Variants in AP3B1 observed in about 807,000 individuals in gnomAD.
AP3B1 encodes adaptor related protein complex 3 subunit beta 1.
A neutral mutation model predicts 132.5 loss-of-function variants in AP3B1; 61 were observed. The ratio of observed to expected loss-of-function variants is 0.46; its 90% CI spans 0.37 to 0.57. The LOEUF is 0.57. AP3B1 is among the 20% of genes least tolerant of loss of function. The pLI is 0.00. For synonymous variants in AP3B1, 388 were observed against 438.3 expected (o/e 0.89, Z 1.43); for missense variants, 1,120 against 1,289.4 (o/e 0.87, Z 2.01).
At chr5:78,089,866 T>C (rs1235330107) in intron 21 of AP3B1, among the ~76,000 whole-genome samples, 2 of 152,174 alleles carry the variant, frequency 1.3e-5, no homozygotes, top group Non-Finnish European at 2.9e-5. Context: ...TCCAAGAGAA[T>C]GCTGCAGTGG....
intron 1 of AP3B1, among the ~76,000 whole-genome samples, chr5:78,274,576 G>C (rs1324544797): frequency 1.3e-5 from 2 of 151,984 alleles, no homozygotes; most frequent in Non-Finnish European, 2.9e-5. Context: ...ACTACACCAG[G>C]TACAGCATAG....
intron 7 of AP3B1, among the ~76,000 whole-genome samples, chr5:78,207,383 C>T (rs551213425): frequency 2.0e-5 from 3 of 151,814 alleles, no homozygotes; most frequent in Admixed American, 6.6e-5. Flanking sequence ...ACTGTAATCA[C>T]ACCAGTGTAC....
Position 78,252,360 on chromosome 5 carries a change from G to A in AP3B1, c.205-11424C>T, listed in dbSNP as rs1290238958. 2.0e-5 allele frequency among the ~76,000 whole-genome samples: 3 copies of A among 152,254 alleles called. No individual in the cohort carries two copies. The East Asian group carries it at 5.8e-4, about 29-fold the overall frequency. On this transcript the variant is annotated intron_variant, in intron 2 of 26. Transcript: ENST00000255194. ...CTAGGTACCAGTACAGCCACAGCAGGGTAGAGCACCAAGTGGGCTCTTAGC... is the reference window on the plus strand; with the variant it reads ...CTAGGTACCAGTACAGCCACAGCAGAGTAGAGCACCAAGTGGGCTCTTAGC...
chr5:78,216,037 A>G lies in AP3B1; in HGVS notation c.786+18T>C. On this transcript the variant is annotated intron_variant, in intron 7 of 26. Coordinates refer to ENST00000255194, the MANE Select transcript of AP3B1 (RefSeq NM_003664.5). ...TTCTCTTAGTATACTTGAAAGTGGA[A>G]GACTGTTCAACACTTACCTCTTTCC... 1 of 1,613,508 alleles carries G rather than the reference A, an allele frequency of 6.2e-7. No individual in the cohort carries two copies. Among genetic ancestry groups the G allele is most frequent in the Non-Finnish European group, 8.5e-7 (1 of 1,179,468 alleles).
chr5:78,064,167 A>G (rs1038539405), intron 22 of AP3B1, among the ~76,000 whole-genome samples: 2 of 150,742 alleles, frequency 1.3e-5, no homozygotes, highest in African/African-American at 2.4e-5. Context: ...TGGGCAACTT[A>G]CTAATAATGA....
chr5:78,033,695 G>A (rs1363531623), intron 24 of AP3B1, among the ~76,000 whole-genome samples: 2 of 151,818 alleles, frequency 1.3e-5, no homozygotes, highest in East Asian at 1.9e-4. Flanking sequence ...GCATGAATAC[G>A]GCTTTGTTCT....
chr5:78,288,030 A>G (rs1250307852), intron 1 of AP3B1, among the ~76,000 whole-genome samples: 1 of 152,208 alleles, frequency 6.6e-6, no homozygotes, highest in Non-Finnish European at 1.5e-5. Flanking sequence ...GGAATTCACA[A>G]TGAGGAAGGA....
chr5:78,022,466 A>G (rs2112069288), intron 24 of AP3B1, among the ~76,000 whole-genome samples: 1 of 152,348 alleles, frequency 6.6e-6, no homozygotes. Flanking sequence ...ATTGCAGAGT[A>G]TCATATATAG....
At chr5:78,083,970 A>G (rs1750123864) in intron 22 of AP3B1, among the ~76,000 whole-genome samples, 2 of 152,208 alleles carry the variant, frequency 1.3e-5, no homozygotes, top group Non-Finnish European at 2.9e-5. Flanking sequence ...TTATAGATGG[A>G]CTAGAAAGTC....
chr5:78,020,681 A>T lies in AP3B1; in HGVS notation c.2992+11T>A, dbSNP rs570567595. The T allele has an allele frequency of 6.3e-7, 1 of 1,591,646 alleles. No homozygotes were observed. Among genetic ancestry groups the T allele is most frequent in the African/African-American group, 1.3e-5 (1 of 74,524 alleles). On this transcript the variant is annotated intron_variant, in intron 25 of 26. Transcript: ENST00000255194. Reference sequence around the variant, plus strand: ...TATGTAAATTTCTAGTAAGTTGTAGACATCTCTCACCTTGCTCTTTCTTAA... The same window carrying T: ...TATGTAAATTTCTAGTAAGTTGTAGTCATCTCTCACCTTGCTCTTTCTTAA...
At chr5:78,000,927 A>T (rs1746188919), downstream of AP3B1, 1 of 152,218 alleles carries the variant, frequency 6.6e-6, no homozygotes, top group Admixed American at 6.5e-5. Flanking sequence ...TAATGATATT[A>T]AGCTACTAGT....
intron 22 of AP3B1, among the ~76,000 whole-genome samples, chr5:78,066,556 G>A (rs545349855): frequency 2.0e-5 from 3 of 152,160 alleles, no homozygotes; most frequent in Non-Finnish European, 2.9e-5. Context: ...CCAACCGGAG[G>A]AAAGAATTTC....
chr5:78,191,131 CAT>C (rs1398406158), intron 7 of AP3B1, among the ~76,000 whole-genome samples: 2 of 151,860 alleles, frequency 1.3e-5, no homozygotes, highest in African/African-American at 4.8e-5. Flanking sequence ...TTTAAAAACA[CAT>C]AATATAAGAT....
intron 3 of AP3B1, among the ~76,000 whole-genome samples, 190 bp downstream of exon 3, chr5:78,240,672 T>C (rs192032855): frequency 1.4e-3 from 214 of 152,334 alleles, no homozygotes; most frequent in African/African-American, 4.7e-3. Flanking sequence ...TCATATTTTC[T>C]ACCAAAAATC....
chr5:78,038,121 C>T (rs1288479616), intron 23 of AP3B1, among the ~76,000 whole-genome samples: 2 of 152,146 alleles, frequency 1.3e-5, no homozygotes, highest in Non-Finnish European at 2.9e-5. Flanking sequence ...GCTCAGCAAC[C>T]CACTCATTGG....
Position 78,081,496 on chromosome 5 carries a change from A to G in AP3B1, c.2577+7897T>C, listed in dbSNP as rs553524659. ...CTAATTTTTTTTGTATTTTTAGTAG[A>G]GACGGGGTTTCACCATGGTCTCGAT... On this transcript the variant is annotated intron_variant, in intron 22 of 26. Coordinates refer to ENST00000255194, the MANE Select transcript of AP3B1 (RefSeq NM_003664.5). Among the ~76,000 whole-genome samples, 3 of 151,900 alleles carry G rather than the reference A, an allele frequency of 2.0e-5. No homozygotes were observed. In the East Asian group the frequency reaches 5.8e-4, roughly 30 times the overall value.
At chr5:78,200,598 G>C (rs966030793) in intron 7 of AP3B1, among the ~76,000 whole-genome samples, 1 of 152,112 alleles carries the variant, frequency 6.6e-6, no homozygotes, top group African/African-American at 2.4e-5. Flanking sequence ...GGTTGAGGCA[G>C]CAGTGAGATG....
intron 3 of AP3B1, among the ~76,000 whole-genome samples, chr5:78,229,888 T>C (rs1338789623): frequency 6.6e-6 from 1 of 152,160 alleles, no homozygotes; most frequent in Non-Finnish European, 1.5e-5. Context: ...TACTAACCAA[T>C]CTGGACTACT....
chr5:78,052,256 A>C (rs911727627), intron 22 of AP3B1, among the ~76,000 whole-genome samples: 3 of 152,146 alleles, frequency 2.0e-5, no homozygotes, highest in Non-Finnish European at 4.4e-5. Context: ...TATTTTGGTA[A>C]TAATATATAT....
Sources: allele counts gnomAD v4.1 joint callset (sites outside exome capture counted in the v4.1 genomes callset), GRCh38; gene constraint gnomAD v4.1.1; transcripts MANE v1.5; gene names NCBI Gene and HGNC (gene_info 2026-07-23, HGNC 2026-07-21).